Variants in RIMS3 observed in about 807,000 individuals in gnomAD.
RIMS3 encodes regulating synaptic membrane exocytosis protein 3.
Under a neutral mutation model 29.2 loss-of-function variants are expected in RIMS3, and 15 were observed. The ratio of observed to expected loss-of-function variants is 0.51; its 90% CI spans 0.34 to 0.79. The LOEUF (loss-of-function observed/expected upper bound fraction) is 0.79. Ranked by LOEUF, RIMS3 falls within the 30% of genes least tolerant of loss-of-function variation. The pLI is 0.01. For synonymous variants in RIMS3, 161 were observed against 170.1 expected, an observed-to-expected ratio of 0.95 and a Z score of 0.41; for missense variants, 342 against 421.4, an observed-to-expected ratio of 0.81 and a Z score of 1.65.
intron 1 of RIMS3, among the ~76,000 whole-genome samples, chr1:40,659,920 TC>T (rs1642327503): frequency 6.6e-6 from 1 of 152,172 alleles, no homozygotes; most frequent in African/African-American, 2.4e-5. Flanking sequence ...TGGCTTTCAT[TC>T]CAAGAAGGCT....
At chr1:40,632,044 T>C (rs1158917389) in intron 5 of RIMS3, among the ~76,000 whole-genome samples, 1 of 152,118 alleles carries the variant, frequency 6.6e-6, no homozygotes, top group Non-Finnish European at 1.5e-5. Flanking sequence ...CATCCTCCCA[T>C]ATGCTTTATT....
chr1:40,648,568 A>G (rs1446720362), intron 1 of RIMS3, among the ~76,000 whole-genome samples: 1 of 152,236 alleles, frequency 6.6e-6, no homozygotes, highest in Non-Finnish European at 1.5e-5. Flanking sequence ...AAACATTATA[A>G]AACAAGGATT....
rs1179770138 is a variant in RIMS3 at position 40,624,471 on chromosome 1, G to A, written c.*2046C>T. 6.6e-6 allele frequency: 1 copy of A among 152,228 alleles called. No individual in the cohort carries two copies. The highest frequency in any genetic ancestry group is 1.9e-4 in the East Asian group (1 of 5,206). The allele number at this position is 152,228 out of a possible 1,614,324, so 9.4% of individuals were successfully genotyped here. ...TTGACGAACGCAATGGGCCTGGGGA[G>A]AGCATTTCCGCCTAAAGAGAAAATT... On this transcript the variant is annotated 3_prime_UTR_variant, in exon 8 of 8. Coordinates refer to ENST00000372684, the MANE Select transcript of RIMS3 (RefSeq NM_014747.3).
chr1:40,668,738 C>T (rs1489313678), upstream of RIMS3, among the ~76,000 whole-genome samples: 1 of 152,104 alleles, frequency 6.6e-6, no homozygotes, highest in Non-Finnish European at 1.5e-5. Context: ...TGTTTGACTA[C>T]AAGGCTTCTA....
chr1:40,649,255 T>C (rs1274115746), intron 1 of RIMS3, among the ~76,000 whole-genome samples: 1 of 152,172 alleles, frequency 6.6e-6, no homozygotes, highest in Non-Finnish European at 1.5e-5. Flanking sequence ...ATTCCAAATG[T>C]GTGATCACAC....
chr1:40,639,543 A>G (rs1004771618), intron 3 of RIMS3, among the ~76,000 whole-genome samples: 1 of 152,008 alleles, frequency 6.6e-6, no homozygotes, highest in African/African-American at 2.4e-5. Flanking sequence ...CCAGGCATGA[A>G]GCTGGGTGCC....
At position 40,625,257 on chromosome 1, in the gene RIMS3, TC is replaced by T. The variant is rs1646446263; in HGVS notation, c.*1259del. On this transcript the variant is annotated 3_prime_UTR_variant, in exon 8 of 8. Transcript: ENST00000372684. ...CAGGTGGGTGCCTGGAGCAGATGGC[TC>T]TGCAGAGGGCAGCAGTGGGGCACAG... 6.5e-6 allele frequency: 1 copy of T among 152,986 alleles called. No homozygotes were observed. The highest frequency in any genetic ancestry group is 1.5e-5 in the Non-Finnish European group (1 of 68,402). The allele number at this position is 152,986 out of a possible 1,614,324, so 9.5% of individuals were successfully genotyped here. A position where few individuals can be genotyped will look rare whatever the true frequency, so the allele number is the denominator to read the frequency against.
chr1:40,658,482 C>T (rs759011882), intron 1 of RIMS3, among the ~76,000 whole-genome samples: 2 of 152,208 alleles, frequency 1.3e-5, no homozygotes, highest in Non-Finnish European at 2.9e-5. Context: ...AACGAAGATC[C>T]CCCTTCTCTG....
intron 3 of RIMS3, among the ~76,000 whole-genome samples, chr1:40,637,919 G>A (rs1023076912): frequency 6.6e-6 from 1 of 152,104 alleles, no homozygotes; most frequent in Non-Finnish European, 1.5e-5. Context: ...GGGTCTGTGG[G>A]GGCTCCCTCG....
chr1:40,668,167 C>T (rs1642447398), upstream of RIMS3, among the ~76,000 whole-genome samples: 1 of 150,936 alleles, frequency 6.6e-6, no homozygotes, highest in Admixed American at 6.7e-5. Flanking sequence ...AGGAGAATCG[C>T]TTGAACCCAG....
chr1:40,656,160 G>C (rs764086654), intron 1 of RIMS3, among the ~76,000 whole-genome samples: 3 of 152,200 alleles, frequency 2.0e-5, no homozygotes, highest in Non-Finnish European at 4.4e-5. Flanking sequence ...CTTGAGTCCA[G>C]GAGGTCAAGG....
At chr1:40,646,441 C>T (rs1206581405) in intron 2 of RIMS3, among the ~76,000 whole-genome samples, 7 of 152,162 alleles carry the variant, frequency 4.6e-5, no homozygotes, top group African/African-American at 1.7e-4. Flanking sequence ...GCTAAATAAA[C>T]TATACCCTTC....
intron 3 of RIMS3, among the ~76,000 whole-genome samples, chr1:40,639,882 TAGCC>T (rs1395480542): frequency 6.6e-6 from 1 of 152,128 alleles, no homozygotes; most frequent in Admixed American, 6.5e-5. Flanking sequence ...TCCAGTCCTT[TAGCC>T]ATGCCCTTGC....
At chr1:40,645,446 T>C (rs887380790) in intron 2 of RIMS3, among the ~76,000 whole-genome samples, 1 of 152,168 alleles carries the variant, frequency 6.6e-6, no homozygotes, top group African/African-American at 2.4e-5. Context: ...GTCTCCTGTT[T>C]CCACAAAGAG....
At chr1:40,673,279 A>G in the RIMS3 span, 3 of 152,136 alleles carry the variant, frequency 2.0e-5, no homozygotes, top group African/African-American at 4.8e-5. Flanking sequence ...GGTAAAAGAA[A>G]GCTCCCTCCT....
the RIMS3 span, among the ~76,000 whole-genome samples, chr1:40,686,741 C>A: frequency 6.6e-6 from 1 of 152,196 alleles, no homozygotes; most frequent in Non-Finnish European, 1.5e-5. Flanking sequence ...TACAATCTTT[C>A]CTTGGCAATA....
In RIMS3 at chr1:40,654,781, C is replaced by G. The variant is rs1642249807; in HGVS notation, c.-206-6939G>C. Among the ~76,000 whole-genome samples the G allele has an allele frequency of 6.6e-6, 1 of 152,094 alleles. No homozygotes were observed. Among genetic ancestry groups the G allele is most frequent in the African/African-American group, 2.4e-5 (1 of 41,416 alleles). On this transcript the variant is annotated intron_variant, in intron 1 of 7. Coordinates refer to ENST00000372684, the MANE Select transcript of RIMS3 (RefSeq NM_014747.3). This position sits in a 1 kb window ranked among gnomAD's most constrained non-coding sequence, Gnocchi z 5.3. ...TGCACACACAATATGCCCTCAGAGA[C>G]CCTCAGACATATCTGTGAGTTACCT...
chr1:40,644,528 C>T (rs190080983), intron 2 of RIMS3, among the ~76,000 whole-genome samples: 2 of 152,312 alleles, frequency 1.3e-5, no homozygotes, highest in Admixed American at 6.5e-5. Flanking sequence ...ACTAATTCTA[C>T]AGTTAAAGAT....
intron 5 of RIMS3, among the ~76,000 whole-genome samples, chr1:40,630,178 G>A (rs1646480059): frequency 6.6e-6 from 1 of 152,112 alleles, no homozygotes; most frequent in African/African-American, 2.4e-5. Flanking sequence ...GACAACAAGG[G>A]CCTACTACTG....
Sources: allele counts gnomAD v4.1 joint callset (sites outside exome capture counted in the v4.1 genomes callset), GRCh38; gene constraint gnomAD v4.1.1; non-coding constraint Gnocchi (gnomAD v3.1); transcripts MANE v1.5; gene names NCBI Gene and HGNC (gene_info 2026-07-23, HGNC 2026-07-21).